The following SLC6A6 variants were observed in gnomAD, a reference collection of about 807,000 sequenced individuals.
SLC6A6 encodes the protein solute carrier family 6 member 6.
SLC6A6 carries 16 observed loss-of-function variants against 68.8 expected under a neutral mutation model. The observed-to-expected ratio is 0.23, with a 90% CI of 0.16 to 0.35. The LOEUF (loss-of-function observed/expected upper bound fraction) is 0.35. Ranked by LOEUF, SLC6A6 falls within the 10% of genes least tolerant of loss-of-function variation. The pLI, the probability that SLC6A6 is intolerant of heterozygous loss-of-function variation, is 1.00. For missense variants in SLC6A6, 474 were observed against 802.8 expected, an observed-to-expected ratio of 0.59 and a Z score of 4.95; for synonymous variants, 312 against 315.4, an observed-to-expected ratio of 0.99 and a Z score of 0.12.
intron 6 of SLC6A6, among the ~76,000 whole-genome samples, chr3:14,460,647 CAG>C (rs1254912810): frequency 1.3e-5 from 2 of 152,222 alleles, no homozygotes; most frequent in Non-Finnish European, 2.9e-5. Flanking sequence ...GTGTCAAAGC[CAG>C]AGAGAGGGTG....
chr3:14,416,908 A>G (rs1421424377), intron 2 of SLC6A6, among the ~76,000 whole-genome samples: 3 of 152,206 alleles, frequency 2.0e-5, no homozygotes, highest in Non-Finnish European at 4.4e-5. Flanking sequence ...CAGTGGTGTC[A>G]TCAGGGCTCA....
At chr3:14,470,017 G>A (rs1700715902) in intron 9 of SLC6A6, among the ~76,000 whole-genome samples, 3 of 152,210 alleles carry the variant, frequency 2.0e-5, no homozygotes, top group East Asian at 1.9e-4. Flanking sequence ...AGAGTGGTGA[G>A]GGGGAGCCAG....
intron 1 of SLC6A6, among the ~76,000 whole-genome samples, chr3:14,413,100 C>A (rs1699285795): frequency 6.6e-6 from 1 of 152,258 alleles, no homozygotes; most frequent in South Asian, 2.1e-4. Context: ...GCCTGGGTCA[C>A]TGTGTCCGGA....
At chr3:14,416,364 T>G in intron 1 of SLC6A6, 48 bp from the exon 2 acceptor site, 1 of 398,568 alleles carries the variant, frequency 2.5e-6, no homozygotes, top group Non-Finnish European at 4.4e-6. Context: ...ACAGTCTGCC[T>G]CTGACCAGAT....
Position 14,472,162 on chromosome 3 carries a change from T to C in SLC6A6, c.1097-43T>C. On this transcript the variant is annotated intron_variant, in intron 9 of 14. Coordinates refer to ENST00000622186, the MANE Select transcript of SLC6A6 (RefSeq NM_003043.6). This position sits in a 1 kb window ranked among gnomAD's most constrained non-coding sequence, Gnocchi z 4.5. ...GGGTTCCCAGTGGCTTGGTGGCTGA[T>C]GTCTCCTCCCCTGTGCCCCTCCCCG... 8.1e-7 allele frequency: 1 copy of C among 1,227,564 alleles called. No individual in the cohort carries two copies. The highest frequency in any genetic ancestry group is 1.2e-6 in the Non-Finnish European group (1 of 830,502). 76.0% of individuals were successfully genotyped at this position (1,227,564 alleles called of 1,614,324 possible). A position where few individuals can be genotyped will look rare whatever the true frequency, so the allele number is the denominator to read the frequency against.
In SLC6A6 at chr3:14,468,433, G is replaced by T. The variant is rs1487866562; in HGVS notation, c.1096+221G>T. Among the ~76,000 whole-genome samples the T allele has an allele frequency of 6.7e-6, 1 of 148,486 alleles. No individual in the cohort carries two copies. The highest frequency in any genetic ancestry group is 2.5e-5 in the African/African-American group (1 of 39,702). ...AATTTGGCCCTGATGGGTGGCAAAA[G>T]CATGGGGGGTGGTTAAGTTGGGGAA... is the stretch of plus-strand genomic sequence containing the variant. On this transcript the variant is annotated intron_variant, in intron 9 of 14. Coordinates refer to ENST00000622186, the MANE Select transcript of SLC6A6 (RefSeq NM_003043.6). This position sits in a 1 kb window ranked among gnomAD's most constrained non-coding sequence, Gnocchi z 4.5.
At chr3:14,428,845 A>T (rs1011858511) in intron 2 of SLC6A6, among the ~76,000 whole-genome samples, 2 of 152,256 alleles carry the variant, frequency 1.3e-5, no homozygotes, top group South Asian at 2.1e-4. Flanking sequence ...CTGTTGGGGA[A>T]GTCCCACCTG....
At chr3:14,424,900 G>C (rs1030390871) in intron 2 of SLC6A6, among the ~76,000 whole-genome samples, 1 of 152,140 alleles carries the variant, frequency 6.6e-6, no homozygotes, top group African/African-American at 2.4e-5. Flanking sequence ...AAGGAAGCTC[G>C]GTCGAAGCCG....
At chr3:14,478,319 T>C (rs934754316) in intron 11 of SLC6A6, 147 bp from the exon 12 acceptor site, 3 of 651,576 alleles carry the variant, frequency 4.6e-6, no homozygotes, top group African/African-American at 1.8e-5. Context: ...GTTGAGCATC[T>C]TTTTGTATAT....
Position 14,477,350 on chromosome 3 carries a change from G to C in SLC6A6, c.1347+8G>C. On this transcript the variant is annotated splice_region_variant and intron_variant, in intron 11 of 14. Transcript: ENST00000622186. This position sits in a 1 kb window ranked among gnomAD's most constrained non-coding sequence, Gnocchi z 4.2. ...CTGACGATGGTGACGGAGGTAGGTGGCTCTCTCAGCTGTGTTTCAGGCTTG... is the reference window on the plus strand; with the variant it reads ...CTGACGATGGTGACGGAGGTAGGTGCCTCTCTCAGCTGTGTTTCAGGCTTG... 6.2e-7 allele frequency: 1 copy of C among 1,613,442 alleles called. No individual in the cohort carries two copies. Among genetic ancestry groups the C allele is most frequent in the Non-Finnish European group, 8.5e-7 (1 of 1,179,610 alleles).
intron 2 of SLC6A6, among the ~76,000 whole-genome samples, chr3:14,423,202 G>A (rs1699521220): frequency 1.3e-5 from 2 of 152,238 alleles, no homozygotes; most frequent in Admixed American, 1.3e-4. Flanking sequence ...GGCAAGAGGT[G>A]TCTTCTGGAT....
At chr3:14,464,266 G>A (rs890988410) in intron 6 of SLC6A6, among the ~76,000 whole-genome samples, 18 of 152,326 alleles carry the variant, frequency 1.2e-4, no homozygotes, top group African/African-American at 3.8e-4. Context: ...ACTGCCAGTT[G>A]TGGGAGGCTT....
rs940383259 is a variant in SLC6A6 at position 14,468,915 on chromosome 3, G to C, written c.1096+703G>C. 6.6e-6 allele frequency among the ~76,000 whole-genome samples: 1 copy of C among 152,140 alleles called. No individual in the cohort carries two copies. Among genetic ancestry groups the C allele is most frequent in the Non-Finnish European group, 1.5e-5 (1 of 68,026 alleles). Reference sequence around the variant, plus strand: ...TTAGAATCACGGACTCTGCACAGACGGGGAACTTAGGAATCTGGGATCCCA... The same window carrying C: ...TTAGAATCACGGACTCTGCACAGACCGGGAACTTAGGAATCTGGGATCCCA... On this transcript the variant is annotated intron_variant, in intron 9 of 14. Transcript: ENST00000622186. The surrounding 1 kb of genome is among the most constrained non-coding windows in gnomAD (Gnocchi z 4.5).
At chr3:14,459,648 C>T (rs757372809) in intron 6 of SLC6A6, among the ~76,000 whole-genome samples, 1 of 152,096 alleles carries the variant, frequency 6.6e-6, no homozygotes, top group Non-Finnish European at 1.5e-5. Flanking sequence ...TTGGAGAGCA[C>T]CTTCACTGTG....
At chr3:14,437,635 CT>C (rs1171611463) in intron 2 of SLC6A6, among the ~76,000 whole-genome samples, 1 of 152,080 alleles carries the variant, frequency 6.6e-6, no homozygotes, top group Non-Finnish European at 1.5e-5. Flanking sequence ...TTAAAATCTA[CT>C]CTCAACAGTT....
chr3:14,415,321 T>A (rs572131241), intron 1 of SLC6A6, among the ~76,000 whole-genome samples: 1 of 152,176 alleles, frequency 6.6e-6, no homozygotes, highest in Non-Finnish European at 1.5e-5. Context: ...ATCATCTAAT[T>A]TGGGGGACAG....
At chr3:14,464,716 C>G (rs533662779) in intron 6 of SLC6A6, among the ~76,000 whole-genome samples, 1 of 152,312 alleles carries the variant, frequency 6.6e-6, no homozygotes, top group East Asian at 1.9e-4. Context: ...CCAGCAGTGC[C>G]CTGGCACTGC....
intron 10 of SLC6A6, among the ~76,000 whole-genome samples, chr3:14,474,362 G>A (rs960152411): frequency 6.6e-6 from 1 of 152,172 alleles, no homozygotes; most frequent in African/African-American, 2.4e-5. Flanking sequence ...CTGTGTGTGC[G>A]TGTGTTTGGG....
Position 14,408,973 on chromosome 3 carries a change from A to AT in SLC6A6, c.-54+6134dup, listed in dbSNP as rs574470944. On this transcript the variant is annotated intron_variant, in intron 1 of 14. Transcript: ENST00000622186. ...AGGCACCCGCTACCACGCCCAGCTAATTTTTTTTGTATTTTTAGTAGAGAC... is the reference window on the plus strand; with the variant it reads ...AGGCACCCGCTACCACGCCCAGCTAATTTTTTTTTGTATTTTTAGTAGAGAC... Among the ~76,000 whole-genome samples, 1,286 of 151,594 alleles carry AT rather than the reference A, an allele frequency of 8.5e-3. 15 individuals carry two copies. The highest frequency in any genetic ancestry group is 0.027 in the African/African-American group (1,118 of 41,318).
Sources: gnomAD v4.1 joint callset for allele counts (sites outside exome capture counted in the v4.1 genomes callset) on GRCh38, gnomAD v4.1.1 for gene constraint, Gnocchi (gnomAD v3.1) non-coding constraint, MANE v1.5 for transcripts, NCBI Gene and HGNC (gene_info 2026-07-23, HGNC 2026-07-21) for gene names.